LRRC66: variants seen among roughly 807,000 people sequenced by gnomAD.
LRRC66 encodes the protein leucine rich repeat containing 66.
In LRRC66, 29 loss-of-function variants were observed where a neutral mutation model predicts 24.6. That is an observed-to-expected ratio of 1.18 (90% CI 0.88 to 1.61). The LOEUF is 1.61. LRRC66 is among the 40% of genes most tolerant of loss of function. The probability of loss-of-function intolerance (pLI) is 0.00; values close to 1 mark genes in which losing one functional copy is unlikely to be tolerated. For missense variants in LRRC66, 1,124 were observed against 1,058.0 expected (o/e 1.06, Z -0.87); for synonymous variants, 411 against 397.6 (o/e 1.03, Z -0.40).
chr4:52,018,858 CCAAGTTCA>C (rs1736879007), intron 1 of LRRC66, among the ~76,000 whole-genome samples: 1 of 152,158 alleles, frequency 6.6e-6, no homozygotes, highest in Non-Finnish European at 1.5e-5. Flanking sequence ...ATTCCCAGTT[CCAAGTTCA>C]ATGCCTTTTC....
intron 3 of LRRC66, among the ~76,000 whole-genome samples, chr4:51,998,658 G>T (rs1225238340): frequency 6.6e-6 from 1 of 152,216 alleles, no homozygotes; most frequent in Non-Finnish European, 1.5e-5. Context: ...GATCAGAAAT[G>T]AAGGGGAAAG....
At chr4:52,004,267 C>CA (rs1736525145) in intron 2 of LRRC66, among the ~76,000 whole-genome samples, 1 of 152,202 alleles carries the variant, frequency 6.6e-6, no homozygotes, top group Non-Finnish European at 1.5e-5. Flanking sequence ...CTTGGCCTCC[C>CA]AAAGTGCTGG....
intron 1 of LRRC66, 136 bp from the exon 2 acceptor site, chr4:52,017,754 T>C (rs1202768470): frequency 7.3e-7 from 1 of 1,374,164 alleles, no homozygotes; most frequent in Non-Finnish European, 9.3e-7. Flanking sequence ...GAATGTTTGA[T>C]TTCTTACTGG....
At chr4:51,996,198 C>G in intron 4 of LRRC66, 33 bp from the exon 5 acceptor site, 1 of 1,504,480 alleles carries the variant, frequency 6.6e-7, no homozygotes, top group South Asian at 1.3e-5. Flanking sequence ...ACACATTGAG[C>G]GAACATTGAA....
At position 51,994,399 on chromosome 4, in the gene LRRC66, C is replaced by G; in HGVS notation, c.2623G>C (p.Asp875His). 1 of 1,610,812 alleles carries G rather than the reference C, an allele frequency of 6.2e-7. No homozygotes were observed. Among genetic ancestry groups the G allele is most frequent in the Non-Finnish European group, 8.5e-7 (1 of 1,178,844 alleles). Residue 875 changes from aspartate to histidine, a missense_variant, in exon 5 of 5, where the codon GAC becomes CAC. Coordinates refer to ENST00000682860, the MANE Select transcript of LRRC66 (RefSeq NM_001024611.3). ...DPDKAAFHER[D>H]SDILK ...GATTCTTATTTTAAAATGTCTGAGT[C>G]TCTTTCATGGAAGGCAGCCTTATCA...
intron 2 of LRRC66, among the ~76,000 whole-genome samples, chr4:52,014,572 C>A (rs1736771608): frequency 6.6e-6 from 1 of 152,044 alleles, no homozygotes; most frequent in Non-Finnish European, 1.5e-5. Context: ...AAGAAATAGG[C>A]CAAAAATAGG....
intron 2 of LRRC66, among the ~76,000 whole-genome samples, chr4:52,007,933 A>G (rs1288026632): frequency 2.0e-5 from 3 of 152,218 alleles, no homozygotes; most frequent in Non-Finnish European, 4.4e-5. Flanking sequence ...CTTGAGGAAT[A>G]ACAACTAACT....
Position 51,996,239 on chromosome 4 carries a change from C to A in LRRC66, c.857-74G>T, listed in dbSNP as rs1048270674. ...ATTTCAGGGGTTTTTCTCTTTTTTACAGAATTGAAAAAAATTCAATTTTTT... is the reference window on the plus strand; with the variant it reads ...ATTTCAGGGGTTTTTCTCTTTTTTAAAGAATTGAAAAAAATTCAATTTTTT... On this transcript the variant is annotated intron_variant, in intron 4 of 4. Coordinates refer to ENST00000682860, the MANE Select transcript of LRRC66 (RefSeq NM_001024611.3). 2.8e-6 allele frequency: 4 copies of A among 1,404,146 alleles called. No individual in the cohort carries two copies. The African/African-American group carries it at 4.3e-5, about 15-fold the overall frequency. The allele number at this position is 1,404,146 out of a possible 1,614,324, so 87.0% of individuals were successfully genotyped here. A position where few individuals can be genotyped will look rare whatever the true frequency, so the allele number is the denominator to read the frequency against.
intron 2 of LRRC66, among the ~76,000 whole-genome samples, chr4:52,011,450 C>T (rs904854125): frequency 6.6e-6 from 1 of 152,122 alleles, no homozygotes; most frequent in Non-Finnish European, 1.5e-5. Context: ...AAAGGAAGAG[C>T]AGAGGCTTCC....
At chr4:52,018,259 G>A (rs897947954) in intron 1 of LRRC66, 1 of 985,030 alleles carries the variant, frequency 1.0e-6, no homozygotes, top group South Asian at 4.7e-5. Context: ...CCATGAAGAT[G>A]TAATACGATA....
In LRRC66 at chr4:51,995,354, A is replaced by G. The variant is rs1362794686; in HGVS notation, c.1668T>C (p.Ser556=). The G allele has an allele frequency of 1.2e-6, 2 of 1,614,044 alleles. No individual in the cohort carries two copies. Among genetic ancestry groups the G allele is most frequent in the Non-Finnish European group, 1.7e-6 (2 of 1,180,016 alleles). ...CAGCGTGAGACGTGCCAGCTACAGA[A>G]GAGACGCCCACTGAATGTGCACTGA... ...EPLSAHSVGV[S]SVAGTSHAVS... Residue 556 remains serine (S), a synonymous_variant, in exon 5 of 5, where the codon TCT becomes TCC. Coordinates refer to ENST00000682860, the MANE Select transcript of LRRC66 (RefSeq NM_001024611.3).
chr4:52,006,599 C>T (rs1736590912), intron 2 of LRRC66, among the ~76,000 whole-genome samples: 1 of 148,788 alleles, frequency 6.7e-6, no homozygotes, highest in South Asian at 2.1e-4. Context: ...ATACCTAATG[C>T]TAGATGACGA....
intron 2 of LRRC66, among the ~76,000 whole-genome samples, chr4:52,014,847 T>G (rs1428187478): frequency 6.6e-6 from 1 of 152,262 alleles, no homozygotes; most frequent in African/African-American, 2.4e-5. Flanking sequence ...CATCTCTCTA[T>G]GTCTTCATTT....
chr4:52,019,717 G>C (rs917152549), intron 1 of LRRC66, among the ~76,000 whole-genome samples: 1 of 152,006 alleles, frequency 6.6e-6, no homozygotes, highest in Non-Finnish European at 1.5e-5. Context: ...ATATACAATG[G>C]TGCACCAAGC....
At chr4:52,018,431 CACTGTGTGT>C in intron 1 of LRRC66, 1 of 985,296 alleles carries the variant, frequency 1.0e-6, no homozygotes, top group Non-Finnish European at 1.2e-6. Context: ...ACTTAAAAGC[CACTGTGTGT>C]ACAAATAATC....
chr4:51,998,221 A>G (rs1408540380), intron 3 of LRRC66, among the ~76,000 whole-genome samples: 1 of 152,190 alleles, frequency 6.6e-6, no homozygotes, highest in African/African-American at 2.4e-5. Flanking sequence ...TTTGATGCCT[A>G]ATCATTTTCT....
chr4:52,016,958 A>G (rs778089512), intron 2 of LRRC66, among the ~76,000 whole-genome samples, 160 bp downstream of exon 2: 1 of 152,226 alleles, frequency 6.6e-6, no homozygotes, highest in East Asian at 1.9e-4. Context: ...TCCACACACT[A>G]TAACTTCCAA....
Position 51,995,557 on chromosome 4 carries a change from C to T in LRRC66, c.1465G>A (p.Gly489Arg), listed in dbSNP as rs752739335. 16 of 1,614,172 alleles carry T rather than the reference C, an allele frequency of 9.9e-6. No individual in the cohort carries two copies. Among genetic ancestry groups the T allele is most frequent in the East Asian group, 2.2e-5 (1 of 44,864 alleles). Reference sequence around the variant, plus strand: ...GCCCCGGTGTTGTCCCCGCACTGTCCTGGGCTCTGCGAACTGCCAGGATCC... The same window carrying T: ...GCCCCGGTGTTGTCCCCGCACTGTCTTGGGCTCTGCGAACTGCCAGGATCC... ...RKDPGSSQSP[G>R]QCGDNTGAGS... The change falls in exon 5 of 5, where the codon GGA becomes AGA. Residue 489 changes from glycine to arginine, a missense_variant. By Grantham distance (125) the Gly-to-Arg change is moderately radical. Transcript: ENST00000682860.
At chr4:52,009,704 C>A (rs760703452) in intron 2 of LRRC66, among the ~76,000 whole-genome samples, 1 of 152,064 alleles carries the variant, frequency 6.6e-6, no homozygotes, top group Non-Finnish European at 1.5e-5. Context: ...TAATTAAATA[C>A]CTTCCCATGA....
Sources: gnomAD v4.1 joint callset for allele counts (sites outside exome capture counted in the v4.1 genomes callset) on GRCh38, gnomAD v4.1.1 for gene constraint, MANE v1.5 for transcripts, NCBI Gene and HGNC (gene_info 2026-07-23, HGNC 2026-07-21) for gene names.